NBL1: variants seen among roughly 807,000 people sequenced by gnomAD.
The protein encoded by NBL1 is neuroblastoma suppressor of tumorigenicity 1.
In NBL1, 9 loss-of-function variants were observed where a neutral mutation model predicts 16.0. The observed-to-expected ratio is 0.56, with a 90% CI of 0.34 to 0.98. The LOEUF (loss-of-function observed/expected upper bound fraction) is 0.98. NBL1 is among the 50% of genes least tolerant of loss of function. The pLI is 0.02. For synonymous variants in NBL1, 86 were observed against 100.7 expected, an observed-to-expected ratio of 0.85 and a Z score of 0.87; for missense variants, 196 against 243.1, an observed-to-expected ratio of 0.81 and a Z score of 1.29.
At chr1:19,644,231 C>A, upstream of NBL1, 1 of 976,624 alleles carries the variant, frequency 1.0e-6, no homozygotes, top group Non-Finnish European at 1.2e-6. This position sits in a 1 kb window ranked among gnomAD's most constrained non-coding sequence, Gnocchi z 4.6. Context: ...CTCCCCGCTG[C>A]CCCCGCCCTC....
At chr1:19,643,774 G>A (rs2094961031), upstream of NBL1, 5 of 1,016,456 alleles carry the variant, frequency 4.9e-6, no homozygotes, top group Non-Finnish European at 5.9e-6. The surrounding 1 kb of genome is among the most constrained non-coding windows in gnomAD (Gnocchi z 4.7). Context: ...GACTTGAACC[G>A]GGTCGCATGC....
At position 19,649,610 on chromosome 1, in the gene NBL1, G is replaced by A. The variant is rs112207580; in HGVS notation, c.-20+5164G>A. Among the ~76,000 whole-genome samples, 1,099 of 152,090 alleles carry A rather than the reference G, an allele frequency of 7.2e-3. 12 individuals are homozygous for A. Among genetic ancestry groups the A allele is most frequent in the African/African-American group, 0.025 (1,049 of 41,472 alleles). On this transcript the variant is annotated intron_variant, in intron 1 of 3. Transcript: ENST00000375136. ...CTGACCTCAAGTGATCTGCCACCTCGATCTCCCAAAATGCTGGGATTACAG... is the reference window on the plus strand; with the variant it reads ...CTGACCTCAAGTGATCTGCCACCTCAATCTCCCAAAATGCTGGGATTACAG...
chr1:19,643,805 G>A (rs2094961151), upstream of NBL1: 2 of 1,007,232 alleles, frequency 2.0e-6, no homozygotes, highest in African/African-American at 1.7e-5. The surrounding 1 kb of genome is among the most constrained non-coding windows in gnomAD (Gnocchi z 4.7). Flanking sequence ...GGGATGAGGT[G>A]CACCGCAGAA....
intron 1 of NBL1, chr1:19,645,870 C>G (rs929617491): frequency 2.6e-6 from 4 of 1,529,450 alleles, no homozygotes; most frequent in African/African-American, 1.4e-5. Flanking sequence ...TGCTTCCCCC[C>G]ACCCACAACC....
chr1:19,648,679 C>CT (rs1303764763), intron 1 of NBL1, among the ~76,000 whole-genome samples: 1 of 147,568 alleles, frequency 6.8e-6, no homozygotes, highest in Non-Finnish European at 1.5e-5. Context: ...TTGTCACCTC[C>CT]TGGGGAATTT....
In NBL1 at chr1:19,644,422, T is replaced by G; in HGVS notation, c.-44T>G. ...CGGGCCCGCGACCCCCGCACCCAGC[T>G]CCGCAGGACCGGCGGGCGCGCGCGG... On this transcript the variant is annotated 5_prime_UTR_variant, in exon 1 of 4. Transcript: ENST00000375136. This position sits in a 1 kb window ranked among gnomAD's most constrained non-coding sequence, Gnocchi z 4.6. The G allele has an allele frequency of 4.1e-6, 4 of 977,750 alleles. No homozygotes were observed. Among genetic ancestry groups the G allele is most frequent in the Non-Finnish European group, 4.8e-6 (4 of 827,202 alleles). 60.6% of individuals were successfully genotyped at this position (977,750 alleles called of 1,614,324 possible). A position where few individuals can be genotyped will look rare whatever the true frequency, so the allele number is the denominator to read the frequency against.
chr1:19,644,041 T>A, upstream of NBL1: 1 of 979,720 alleles, frequency 1.0e-6, no homozygotes, highest in Non-Finnish European at 1.2e-6. The surrounding 1 kb of genome is among the most constrained non-coding windows in gnomAD (Gnocchi z 4.6). Context: ...TGGGCTGCCC[T>A]GCCTCTCGGG....
At chr1:19,655,918 C>G (rs771387767) in intron 3 of NBL1, among the ~76,000 whole-genome samples, 6 of 152,058 alleles carry the variant, frequency 3.9e-5, no homozygotes, top group Non-Finnish European at 7.4e-5. Context: ...AACACCACCT[C>G]TGTCCCCTTT....
chr1:19,643,402 C>T, upstream of NBL1: 1 of 1,613,568 alleles, frequency 6.2e-7, no homozygotes, highest in Non-Finnish European at 8.5e-7. The surrounding 1 kb of genome is among the most constrained non-coding windows in gnomAD (Gnocchi z 4.7). Flanking sequence ...ACACAGGTAA[C>T]TATGCTGTAA....
Position 19,644,701 on chromosome 1 carries a change from C to T in NBL1, c.-20+255C>T, listed in dbSNP as rs2094967267. The stretch of plus-strand genomic sequence containing the variant: ...CGCGTCCGGAGCCCGTCCCCAGACT[C>T]GCCCCAGGGTTCCGTTTCTGGATCG... On this transcript the variant is annotated intron_variant, in intron 1 of 3. Coordinates refer to ENST00000375136, the MANE Select transcript of NBL1 (RefSeq NM_005380.8). The surrounding 1 kb of genome is among the most constrained non-coding windows in gnomAD (Gnocchi z 4.6). Among the ~76,000 whole-genome samples the T allele has an allele frequency of 6.6e-6, 1 of 151,854 alleles. No homozygotes were observed. Among genetic ancestry groups the T allele is most frequent in the Admixed American group, 6.6e-5 (1 of 15,262 alleles).
At chr1:19,652,819 C>T (rs1483536229) in intron 1 of NBL1, among the ~76,000 whole-genome samples, 1 of 151,886 alleles carries the variant, frequency 6.6e-6, no homozygotes, top group Non-Finnish European at 1.5e-5. Context: ...GAAACCCCAT[C>T]TCTACTAAAA....
chr1:19,645,135 C>G (rs1414055148), intron 1 of NBL1, among the ~76,000 whole-genome samples: 3 of 152,190 alleles, frequency 2.0e-5, no homozygotes, highest in Non-Finnish European at 4.4e-5. Flanking sequence ...TCGCCTTCCC[C>G]CAGCGGGGTT....
chr1:19,653,131 C>CA (rs1184580313), intron 1 of NBL1, among the ~76,000 whole-genome samples: 2 of 151,268 alleles, frequency 1.3e-5, no homozygotes, highest in Non-Finnish European at 2.9e-5. Context: ...ACTGAAAATA[C>CA]AAAAAATTAG....
chr1:19,653,500 C>T (rs553319655), intron 1 of NBL1, among the ~76,000 whole-genome samples: 3 of 152,244 alleles, frequency 2.0e-5, no homozygotes, highest in South Asian at 4.1e-4. Context: ...CCTGACTGAG[C>T]GCATAGCTGC....
At chr1:19,645,769 T>G in intron 1 of NBL1, 89 of 1,342,646 alleles carry the variant, frequency 6.6e-5, no homozygotes, top group East Asian at 4.2e-4. Context: ...CGGGCCTGTG[T>G]TTTGGAGGGG....
intron 1 of NBL1, chr1:19,645,793 A>G (rs2094975784): frequency 7.0e-7 from 1 of 1,426,414 alleles, no homozygotes; most frequent in Admixed American, 2.4e-5. Flanking sequence ...ACAGGGGAGT[A>G]GGTGTTCTGC....
chr1:19,652,461 CG>C (rs3838430), intron 1 of NBL1, among the ~76,000 whole-genome samples: 2 of 151,822 alleles, frequency 1.3e-5, no homozygotes, highest in African/African-American at 4.8e-5. Flanking sequence ...TGGGAGGCGG[CG>C]GGGGGGCAGC....
At chr1:19,649,451 C>T (rs567569124) in intron 1 of NBL1, among the ~76,000 whole-genome samples, 53 of 152,064 alleles carry the variant, frequency 3.5e-4, no homozygotes, top group Non-Finnish European at 6.2e-4. Context: ...CTCTGCCTCC[C>T]GGGTTCAAGT....
chr1:19,657,450 C>G lies in NBL1; in HGVS notation c.*321C>G, dbSNP rs947257674. On this transcript the variant is annotated 3_prime_UTR_variant, in exon 4 of 4. Coordinates refer to ENST00000375136, the MANE Select transcript of NBL1 (RefSeq NM_005380.8). ...AGGAAGTTGGCTGAGCCATTGAGTG[C>G]TGGGGGAGGCCATCCAAGATGGCAT... The G allele has an allele frequency of 1.7e-5, 3 of 173,258 alleles. No individual in the cohort carries two copies. Among genetic ancestry groups the G allele is most frequent in the African/African-American group, 4.9e-5 (2 of 40,834 alleles). 10.7% of individuals were successfully genotyped at this position (173,258 alleles called of 1,614,324 possible).
Sources: gnomAD v4.1 joint callset for allele counts (sites outside exome capture counted in the v4.1 genomes callset) on GRCh38, gnomAD v4.1.1 for gene constraint, Gnocchi (gnomAD v3.1) non-coding constraint, MANE v1.5 for transcripts, NCBI Gene and HGNC (gene_info 2026-07-23, HGNC 2026-07-21) for gene names.